SLIT3: variants seen among roughly 807,000 people sequenced by gnomAD.
SLIT3 encodes slit guidance ligand 3.
A neutral mutation model predicts 184.0 loss-of-function variants in SLIT3; 68 were observed. That is an observed-to-expected ratio of 0.37 (90% CI 0.30 to 0.45). The LOEUF is 0.45. SLIT3 is among the 20% of genes least tolerant of loss of function. The pLI, the probability that SLIT3 is intolerant of heterozygous loss-of-function variation, is 1.00. For missense variants in SLIT3, 1,707 were observed against 2,026.0 expected (o/e 0.84, Z 3.02); for synonymous variants, 831 against 828.6 (o/e 1.00, Z -0.05).
At chr5:168,789,971 C>G (rs1190218891) in intron 10 of SLIT3, 5 of 225,940 alleles carry the variant, frequency 2.2e-5, no homozygotes. Flanking sequence ...CATTACCAAG[C>G]AATTAACGAC....
chr5:169,215,399 T>C (rs982398438), intron 3 of SLIT3, among the ~76,000 whole-genome samples: 6 of 152,250 alleles, frequency 3.9e-5, no homozygotes, highest in Non-Finnish European at 8.8e-5. Context: ...GTCATTATTT[T>C]ACTATAATTT....
chr5:168,856,806 T>TGTGTGTGTGTGTGCGC (rs374432432), intron 5 of SLIT3, among the ~76,000 whole-genome samples: 32 of 137,822 alleles, frequency 2.3e-4, no homozygotes, highest in East Asian at 2.3e-3. Context: ...TGTGTGTGTG[T>TGTGTGTGTGTGTGCGC]GCGCGCGCGC....
chr5:168,927,585 A>G (rs899767698), intron 4 of SLIT3, among the ~76,000 whole-genome samples: 1 of 152,174 alleles, frequency 6.6e-6, no homozygotes, highest in Non-Finnish European at 1.5e-5. Flanking sequence ...AACACCGGAG[A>G]CCCCTGGGAT....
rs552493978 is a variant in SLIT3, at chr5:169,075,276, G to A, written c.413+118203C>T. Among the ~76,000 whole-genome samples the A allele has an allele frequency of 2.0e-5, 3 of 152,280 alleles. No homozygotes were observed. The East Asian group carries it at 5.8e-4, about 29-fold the overall frequency. On this transcript the variant is annotated intron_variant, in intron 4 of 35. Coordinates refer to ENST00000519560, the MANE Select transcript of SLIT3 (RefSeq NM_003062.4). ...GTAATCGTGACTAGGGTAAGAAGGG[G>A]AGGAAAGAGGGGATCTGTTGATGCC... is the stretch of plus-strand genomic sequence containing the variant.
intron 28 of SLIT3, among the ~76,000 whole-genome samples, chr5:168,694,560 G>GCAGT (rs777081520): frequency 7.9e-5 from 12 of 152,170 alleles, no homozygotes; most frequent in African/African-American, 1.9e-4. Flanking sequence ...TAACCCCTCA[G>GCAGT]CAGTCAGTCA....
At chr5:169,127,145 A>C (rs1761111514) in intron 4 of SLIT3, among the ~76,000 whole-genome samples, 1 of 152,186 alleles carries the variant, frequency 6.6e-6, no homozygotes, top group Non-Finnish European at 1.5e-5. Flanking sequence ...TCATCATCAC[A>C]AAAAAAGGAA....
intron 3 of SLIT3, among the ~76,000 whole-genome samples, chr5:169,221,185 T>C (rs1245353861): frequency 2.6e-5 from 4 of 152,234 alleles, no homozygotes; most frequent in Non-Finnish European, 1.5e-5. Flanking sequence ...TAATCAAACT[T>C]AAGCTCTTTT....
intron 6 of SLIT3, among the ~76,000 whole-genome samples, chr5:168,838,511 G>A (rs114212698): frequency 2.6e-5 from 4 of 152,182 alleles, no homozygotes; most frequent in Admixed American, 6.5e-5. Context: ...TTATCGTTAC[G>A]TCATTATTAT....
At chr5:168,938,709 C>T (rs1333227660) in intron 4 of SLIT3, among the ~76,000 whole-genome samples, 2 of 152,174 alleles carry the variant, frequency 1.3e-5, no homozygotes. Context: ...CGGCTCACTG[C>T]AACCTCCTCC....
Position 169,035,693 on chromosome 5 carries a change from C to T in SLIT3, c.414-152357G>A, listed in dbSNP as rs140829481. On this transcript the variant is annotated intron_variant, in intron 4 of 35. Transcript: ENST00000519560. ...GAATTACCTCATTTACTCTTCACAA[C>T]AAGACTACAAAGTGAGTACCACGAT... 1.5e-3 allele frequency among the ~76,000 whole-genome samples: 228 copies of T among 147,924 alleles called. 2 individuals are homozygous for T. Among genetic ancestry groups the T allele is most frequent in the African/African-American group, 5.6e-3 (223 of 40,174 alleles).
At chr5:168,955,645 T>C (rs1439729138) in intron 4 of SLIT3, among the ~76,000 whole-genome samples, 1 of 152,184 alleles carries the variant, frequency 6.6e-6, no homozygotes, top group Non-Finnish European at 1.5e-5. Context: ...GGGAGACCTG[T>C]CACTGTGGAA....
chr5:168,741,294 C>T (rs548057011), intron 20 of SLIT3, among the ~76,000 whole-genome samples: 11 of 151,842 alleles, frequency 7.2e-5, no homozygotes, highest in Non-Finnish European at 1.6e-4. Flanking sequence ...CATGGTGAAA[C>T]CCCGTCTCTA....
At chr5:169,295,104 G>A (rs960992799) in intron 1 of SLIT3, among the ~76,000 whole-genome samples, 9 of 152,142 alleles carry the variant, frequency 5.9e-5, no homozygotes, top group Admixed American at 5.9e-4. Flanking sequence ...CCCTTAGGCT[G>A]TACTAAATTT....
At chr5:169,284,509 T>A (rs1292510607) in intron 1 of SLIT3, among the ~76,000 whole-genome samples, 1 of 152,228 alleles carries the variant, frequency 6.6e-6, no homozygotes, top group Non-Finnish European at 1.5e-5. Flanking sequence ...AATTGTTAAC[T>A]GTGGCTAATA....
intron 4 of SLIT3, among the ~76,000 whole-genome samples, chr5:169,097,615 C>G (rs1463039409): frequency 7.7e-5 from 11 of 142,140 alleles, no homozygotes; most frequent in Non-Finnish European, 1.5e-5. Context: ...GATGTTTATT[C>G]TACGAAGAGT....
intron 4 of SLIT3, among the ~76,000 whole-genome samples, chr5:169,049,818 C>A (rs759424066): frequency 6.6e-5 from 10 of 152,154 alleles, no homozygotes; most frequent in Non-Finnish European, 1.3e-4. Flanking sequence ...AAACAAAATA[C>A]AAGAGTTCTG....
chr5:168,767,728 G>A (rs529974767), intron 14 of SLIT3, among the ~76,000 whole-genome samples: 2 of 152,136 alleles, frequency 1.3e-5, no homozygotes, highest in Non-Finnish European at 2.9e-5. Flanking sequence ...GAGGGGTCGG[G>A]GGTCACAAGC....
chr5:168,683,724 T>C (rs1449883229), intron 32 of SLIT3, among the ~76,000 whole-genome samples: 3 of 152,212 alleles, frequency 2.0e-5, no homozygotes, highest in Non-Finnish European at 2.9e-5. Flanking sequence ...GTTTATCTTA[T>C]GGTGATGAGG....
chr5:168,814,124 G>A (rs950210657), intron 8 of SLIT3, among the ~76,000 whole-genome samples: 2 of 152,154 alleles, frequency 1.3e-5, no homozygotes, highest in South Asian at 4.1e-4. Context: ...GGCCGGGTGC[G>A]GTGGCTCATG....
Sources: gnomAD v4.1 joint callset for allele counts (sites outside exome capture counted in the v4.1 genomes callset) on GRCh38, gnomAD v4.1.1 for gene constraint, MANE v1.5 for transcripts, NCBI Gene and HGNC (gene_info 2026-07-23, HGNC 2026-07-21) for gene names.